The following NXPH1 variants were observed in gnomAD, a reference collection of about 807,000 sequenced individuals.
NXPH1 encodes the protein neurexophilin 1, also known as neurexophilin-1.
Under a neutral mutation model 23.7 loss-of-function variants are expected in NXPH1, and 5 were observed. That is an observed-to-expected ratio of 0.21 (90% CI 0.11 to 0.44). NXPH1 has a LOEUF of 0.44. Among genes scored for constraint, NXPH1 ranks in the 20% least tolerant of loss-of-function variants. The pLI is 0.99. For synonymous variants in NXPH1, 144 were observed against 122.2 expected, an observed-to-expected ratio of 1.18 and a Z score of -1.18; for missense variants, 324 against 321.6, an observed-to-expected ratio of 1.01 and a Z score of -0.06.
At chr7:8,732,331 T>G (rs1314331918) in intron 2 of NXPH1, among the ~76,000 whole-genome samples, 1 of 152,262 alleles carries the variant, frequency 6.6e-6, no homozygotes, top group African/African-American at 2.4e-5. Flanking sequence ...AGCTGTAGAC[T>G]GGAGCTGTTC....
chr7:8,747,895 C>G (rs932267630), intron 2 of NXPH1, among the ~76,000 whole-genome samples: 1 of 152,102 alleles, frequency 6.6e-6, no homozygotes, highest in Non-Finnish European at 1.5e-5. Flanking sequence ...AATGCAGTAC[C>G]TTCAGAAAAT....
rs557813122 is a variant in NXPH1, at chr7:8,697,091, G to C, written c.55-53917G>C. Among the ~76,000 whole-genome samples, 3 of 148,360 alleles carry C rather than the reference G, an allele frequency of 2.0e-5. 1 individual carries two copies. In the South Asian group the frequency reaches 6.5e-4, roughly 32 times the overall value. On this transcript the variant is annotated intron_variant, in intron 2 of 2. Transcript: ENST00000405863. ...GAGAATCACTTGAGCCAGGGAGGCA[G>C]AGTTTGCAGTGAGCTGAGATTGTGC...
chr7:8,536,109 C>A lies in NXPH1; in HGVS notation c.54+100342C>A, dbSNP rs562955312. On this transcript the variant is annotated intron_variant, in intron 2 of 2. Transcript: ENST00000405863. ...ATTGTGTGTTTATTATCGGTCTTCCCACTTGATTGAGTTATAAGAGTGCTA... is the reference window on the plus strand; with the variant it reads ...ATTGTGTGTTTATTATCGGTCTTCCAACTTGATTGAGTTATAAGAGTGCTA... Among the ~76,000 whole-genome samples, 11 of 152,116 alleles carry A rather than the reference C, an allele frequency of 7.2e-5. No individual in the cohort carries two copies. In the East Asian group the frequency reaches 2.1e-3, roughly 30 times the overall value.
At chr7:8,729,194 A>G (rs893886051) in intron 2 of NXPH1, among the ~76,000 whole-genome samples, 1 of 150,902 alleles carries the variant, frequency 6.6e-6, no homozygotes, top group Non-Finnish European at 1.5e-5. Context: ...TATCCCCTTT[A>G]TCATTTTTTA....
intron 2 of NXPH1, among the ~76,000 whole-genome samples, chr7:8,681,521 G>A (rs182090012): frequency 1.3e-4 from 20 of 152,166 alleles, no homozygotes; most frequent in African/African-American, 3.1e-4. Flanking sequence ...CTGCCCTGAC[G>A]TTTGCTGCAT....
chr7:8,619,977 A>G (rs1474202501), intron 2 of NXPH1, among the ~76,000 whole-genome samples: 6 of 152,122 alleles, frequency 3.9e-5, no homozygotes, highest in Non-Finnish European at 7.4e-5. Context: ...CCTTTCCCAA[A>G]TATGATCTTG....
intron 2 of NXPH1, among the ~76,000 whole-genome samples, chr7:8,651,371 T>C (rs1820490277): frequency 9.7e-6 from 1 of 102,872 alleles, no homozygotes; most frequent in Admixed American, 1.2e-4. Flanking sequence ...CAGTCTATCA[T>C]TGTTGGACAT....
chr7:8,511,846 A>G (rs1241060498), intron 2 of NXPH1, among the ~76,000 whole-genome samples: 2 of 152,154 alleles, frequency 1.3e-5, no homozygotes, highest in Non-Finnish European at 2.9e-5. Context: ...AGCTTCAATA[A>G]GACATGGTCC....
chr7:8,636,222 T>A (rs565270575), intron 2 of NXPH1, among the ~76,000 whole-genome samples: 3 of 152,182 alleles, frequency 2.0e-5, no homozygotes, highest in Non-Finnish European at 4.4e-5. Flanking sequence ...TCTGGGATAT[T>A]TGAGTAAATG....
chr7:8,612,075 T>C (rs927702475), intron 2 of NXPH1, among the ~76,000 whole-genome samples: 1 of 152,106 alleles, frequency 6.6e-6, no homozygotes, highest in African/African-American at 2.4e-5. Context: ...TTCAAGTTGT[T>C]ATAAAGCTAA....
intron 2 of NXPH1, among the ~76,000 whole-genome samples, chr7:8,644,563 T>A (rs1441708850): frequency 6.6e-6 from 1 of 151,624 alleles, no homozygotes; most frequent in East Asian, 2.0e-4. Context: ...TGTTGAATTC[T>A]TATTTTAGAC....
At chr7:8,524,992 T>C (rs781541294) in intron 2 of NXPH1, among the ~76,000 whole-genome samples, 5 of 152,186 alleles carry the variant, frequency 3.3e-5, no homozygotes, top group Admixed American at 6.5e-5. Context: ...GGAAGTGACT[T>C]TGGAACTCGT....
chr7:8,662,635 C>T (rs558412922), intron 2 of NXPH1, among the ~76,000 whole-genome samples: 1 of 151,914 alleles, frequency 6.6e-6, no homozygotes, highest in South Asian at 2.1e-4. Flanking sequence ...ATTGCATTAC[C>T]TTTATGCAAA....
In NXPH1 at chr7:8,435,234, A is replaced by G. The variant is rs1376025707; in HGVS notation, c.-110-370A>G. Reference sequence around the variant, plus strand: ...GCACTGCCAGGGCTGGCGAAGAACCAGCCGCCGCCTTTAGTCCGAGCCGCC... The same window carrying G: ...GCACTGCCAGGGCTGGCGAAGAACCGGCCGCCGCCTTTAGTCCGAGCCGCC... On this transcript the variant is annotated intron_variant, in intron 1 of 2. Coordinates refer to ENST00000405863, the MANE Select transcript of NXPH1 (RefSeq NM_152745.3). The surrounding 1 kb of genome is among the most constrained non-coding windows in gnomAD (Gnocchi z 5.9). 5 of 222,826 alleles carry G rather than the reference A, an allele frequency of 2.2e-5. No individual in the cohort carries two copies. The highest frequency in any genetic ancestry group is 2.7e-5 in the Non-Finnish European group (3 of 112,190). The allele number at this position is 222,826 out of a possible 1,614,324, so 13.8% of individuals were successfully genotyped here. A position where few individuals can be genotyped will look rare whatever the true frequency, so the allele number is the denominator to read the frequency against.
At chr7:8,578,030 A>G (rs1818787739) in intron 2 of NXPH1, among the ~76,000 whole-genome samples, 1 of 152,128 alleles carries the variant, frequency 6.6e-6, no homozygotes, top group African/African-American at 2.4e-5. Flanking sequence ...ATCTAACCAC[A>G]CTACTTTTAC....
chr7:8,702,429 T>C (rs1257363861), intron 2 of NXPH1, among the ~76,000 whole-genome samples: 1 of 152,162 alleles, frequency 6.6e-6, no homozygotes, highest in Non-Finnish European at 1.5e-5. Context: ...TCTGATGTCC[T>C]ATCATTCCCC....
intron 2 of NXPH1, among the ~76,000 whole-genome samples, chr7:8,573,531 A>G (rs905983233): frequency 4.6e-5 from 7 of 152,140 alleles, no homozygotes; most frequent in Admixed American, 2.0e-4. Flanking sequence ...AACAAGGAAC[A>G]GTTGGAATAT....
chr7:8,516,074 A>G (rs1238799401), intron 2 of NXPH1, among the ~76,000 whole-genome samples: 1 of 152,144 alleles, frequency 6.6e-6, no homozygotes, highest in East Asian at 1.9e-4. Context: ...ACCATAGGCT[A>G]TTATTCAAAT....
intron 2 of NXPH1, among the ~76,000 whole-genome samples, chr7:8,582,499 C>T (rs914941387): frequency 2.6e-5 from 4 of 152,086 alleles, no homozygotes; most frequent in African/African-American, 9.7e-5. Flanking sequence ...GCAGGTTGTC[C>T]CGACGAGTGT....
Sources: allele counts gnomAD v4.1 joint callset (sites outside exome capture counted in the v4.1 genomes callset), GRCh38; gene constraint gnomAD v4.1.1; non-coding constraint Gnocchi (gnomAD v3.1); transcripts MANE v1.5; gene names NCBI Gene and HGNC (gene_info 2026-07-23, HGNC 2026-07-21).